Variants in MGAM observed in about 807,000 individuals in gnomAD.
MGAM encodes the protein alpha-1,4-glucosidase.
MGAM carries 253 observed loss-of-function variants against 358.8 expected under a neutral mutation model. The observed-to-expected ratio is 0.71, with a 90% confidence interval of 0.64 to 0.78. The LOEUF (loss-of-function observed/expected upper bound fraction) is 0.78, where lower values mean the gene tolerates loss of function less well. Ranked by LOEUF, MGAM falls within the 30% of genes least tolerant of loss-of-function variation. The probability of loss-of-function intolerance (pLI) is 0.00; values close to 1 mark genes in which losing one functional copy is unlikely to be tolerated. For missense variants in MGAM, 3,080 were observed against 3,432.6 expected (o/e 0.90, Z 2.57); for synonymous variants, 1,105 against 1,227.1 (o/e 0.90, Z 2.08).
intron 14 of MGAM, 54 bp downstream of exon 14, chr7:142,032,963 A>G (rs1193411784): frequency 1.6e-6 from 2 of 1,263,770 alleles, no homozygotes; most frequent in Non-Finnish European, 2.2e-6. Flanking sequence ...CATATTATAA[A>G]TTCATAAGGA....
chr7:142,084,459 T>G (rs1333960416), intron 53 of MGAM, 60 bp from the exon 54 acceptor site: 3 of 1,496,504 alleles, frequency 2.0e-6, no homozygotes, highest in Non-Finnish European at 9.2e-7. Flanking sequence ...TATTACTTGA[T>G]GTAAAACTTC....
chr7:142,055,709 C>T lies in MGAM; in HGVS notation c.3466C>T (p.Arg1156Ter), dbSNP rs779349942. The change falls in exon 28 of 71, where the codon CGA becomes TGA. Residue 1156 changes from arginine (R) to a stop codon, truncating the protein, a stop_gained. Coordinates refer to ENST00000475668, the MANE Select transcript of MGAM (RefSeq NM_001365693.1). LOFTEE classifies it high-confidence loss of function. ...LEWHTWGMFS[R>*]DQPPGYKKNS... ...GTGGCACACTTGGGGGATGTTCTCC[C>T]GAGACCAGCCCCCAGGGGTAAGGAC... 36 of 1,613,768 alleles carry T rather than the reference C, an allele frequency of 2.2e-5. No individual in the cohort carries two copies. Among genetic ancestry groups the T allele is most frequent in the African/African-American group, 1.1e-4 (8 of 74,880 alleles).
rs745786941 is a variant in MGAM, at chr7:142,095,625, A to G, written c.7519A>G (p.Thr2507Ala). ...GAATATTTCCAGAACTGTCCTGCAG[A>G]CCAGATACACCCTGTTGCCATATCT... ...FVNISRTVLQ[T>A]RYTLLPYLYT... Residue 2507 changes from threonine to alanine, a missense_variant, in exon 64 of 71, where the codon ACC becomes GCC. Physicochemically the swap from Thr to Ala is moderately conservative, Grantham distance 58. Around this residue, in one of 5 missense-constraint regions of MGAM, gnomAD observed 932 missense variants for 1,198.2 expected, o/e 0.78. Coordinates refer to ENST00000475668, the MANE Select transcript of MGAM (RefSeq NM_001365693.1). 3 of 1,613,886 alleles carry G rather than the reference A, an allele frequency of 1.9e-6. No homozygotes were observed. The highest frequency in any genetic ancestry group is 2.5e-6 in the Non-Finnish European group (3 of 1,179,806).
chr7:142,105,511 C>A (rs1035586724), intron 70 of MGAM, among the ~76,000 whole-genome samples: 1 of 152,162 alleles, frequency 6.6e-6, no homozygotes, highest in Non-Finnish European at 1.5e-5. Context: ...TGGTCTCAAA[C>A]TCCTGACCTC....
intron 57 of MGAM, among the ~76,000 whole-genome samples, chr7:142,090,185 C>T (rs1366463859): frequency 6.9e-6 from 1 of 145,822 alleles, no homozygotes; most frequent in African/African-American, 2.4e-5. Context: ...TAAGGTAGAG[C>T]CAGCACGTTG....
At chr7:142,049,995 C>T (rs553791836) in intron 22 of MGAM, among the ~76,000 whole-genome samples, 72 of 152,246 alleles carry the variant, frequency 4.7e-4, no homozygotes, top group African/African-American at 1.5e-3. Flanking sequence ...TACAGTCACT[C>T]CCACGTTCAT....
chr7:142,070,891 C>A (rs1178542065), intron 43 of MGAM, 103 bp from the exon 44 acceptor site: 2 of 1,414,566 alleles, frequency 1.4e-6, no homozygotes, highest in African/African-American at 1.4e-5. Context: ...GGGTGATGAA[C>A]AGGCATAAGT....
In MGAM at chr7:142,050,849, T is replaced by C; in HGVS notation, c.2790T>C (p.Tyr930=). The C allele has an allele frequency of 1.9e-6, 3 of 1,613,716 alleles. No individual in the cohort carries two copies. The highest frequency in any genetic ancestry group is 1.1e-5 in the South Asian group (1 of 91,074). The change falls in exon 24 of 71, where the codon TAT becomes TAC. Residue 930 remains tyrosine (Y), a synonymous_variant. Transcript: ENST00000475668. The stretch of plus-strand genomic sequence containing the variant: ...GTCAGACTTCTCCTACAGTCACTTA[T>C]GATTCTAACCTGAAGGTAAAAACCC... The part of the protein sequence containing the change: ...VPSQTSPTVT[Y]DSNLKVAIIT...
intron 21 of MGAM, among the ~76,000 whole-genome samples, chr7:142,046,854 T>C (rs557769867): frequency 6.6e-6 from 1 of 152,268 alleles, no homozygotes; most frequent in East Asian, 1.9e-4. Flanking sequence ...TTGTTCGCCT[T>C]CATTTTTTAA....
At chr7:142,006,379 C>T (rs558156357) in intron 2 of MGAM, among the ~76,000 whole-genome samples, 19 of 152,032 alleles carry the variant, frequency 1.2e-4, no homozygotes, top group African/African-American at 3.6e-4. Flanking sequence ...GAAGCTTTCC[C>T]GGGCATTTTT....
Position 142,041,956 on chromosome 7 carries a change from ATAATAT to A in MGAM, c.2498+1111_2498+1116del, listed in dbSNP as rs1298462475. ...ATATATATTATATATATACATATAT[ATAATAT>A]ATATATATTATATATATATAATATA... On this transcript the variant is annotated intron_variant, in intron 21 of 70. Coordinates refer to ENST00000475668, the MANE Select transcript of MGAM (RefSeq NM_001365693.1). Among the ~76,000 whole-genome samples the A allele has an allele frequency of 1.5e-4, 4 of 26,612 alleles. 1 individual carries two copies. The highest frequency in any genetic ancestry group is 5.2e-4 in the African/African-American group (4 of 7,674). 17.5% of individuals were successfully genotyped at this position (26,612 alleles called of 152,430 possible). A position where few individuals can be genotyped will look rare whatever the true frequency, so the allele number is the denominator to read the frequency against.
intron 51 of MGAM, 54 bp from the exon 52 acceptor site, chr7:142,082,421 T>C: frequency 7.3e-7 from 1 of 1,370,298 alleles, no homozygotes; most frequent in Non-Finnish European, 1.0e-6. Flanking sequence ...TTGAGTTTCT[T>C]TCTCAGGCAT....
In MGAM at chr7:142,094,690, G is replaced by A. The variant is rs1815727821; in HGVS notation, c.7341+36G>A. 1.9e-6 allele frequency: 3 copies of A among 1,612,652 alleles called. No homozygotes were observed. The East Asian group carries it at 6.7e-5, about 36-fold the overall frequency. ...TTGGGATCCTCCTAAGCACCAAGAAGGTGGGGACATCTTTCAGAAATCATC... is the reference window on the plus strand; with the variant it reads ...TTGGGATCCTCCTAAGCACCAAGAAAGTGGGGACATCTTTCAGAAATCATC... On this transcript the variant is annotated intron_variant, in intron 62 of 70. Transcript: ENST00000475668.
chr7:142,054,723 T>A, intron 26 of MGAM, 31 bp from the exon 27 acceptor site: 1 of 1,612,316 alleles, frequency 6.2e-7, no homozygotes, highest in South Asian at 1.1e-5. Flanking sequence ...AGAGTAGTAT[T>A]GTTGCCTAAA....
intron 52 of MGAM, 127 bp from the exon 53 acceptor site, chr7:142,083,174 A>G: frequency 4.1e-6 from 3 of 724,382 alleles, no homozygotes; most frequent in Non-Finnish European, 2.2e-6. Context: ...TGTGATTATG[A>G]TAGAAAATAC....
At chr7:142,050,939 G>T (rs915664165) in intron 24 of MGAM, 75 bp downstream of exon 24, 4 of 1,601,352 alleles carry the variant, frequency 2.5e-6, no homozygotes, top group Non-Finnish European at 2.6e-6. Context: ...TGCCAAGTTT[G>T]CATGGGTCCC....
rs1807047358 is a variant in MGAM at position 142,027,112 on chromosome 7, A to C, written c.983-3A>C. On this transcript the variant is annotated splice_polypyrimidine_tract_variant and splice_region_variant and intron_variant, in intron 8 of 70. Transcript: ENST00000475668. The stretch of plus-strand genomic sequence containing the variant: ...TTATTTTCTTCATTTTTAACCTTTC[A>C]AGAGGTTGTCCTTCAGCCTGCGCCA... 6.2e-7 allele frequency: 1 copy of C among 1,605,942 alleles called. No homozygotes were observed. The highest frequency in any genetic ancestry group is 1.3e-5 in the African/African-American group (1 of 74,728).
chr7:142,061,184 CA>C (rs1443333555), intron 34 of MGAM, among the ~76,000 whole-genome samples: 4 of 152,168 alleles, frequency 2.6e-5, no homozygotes, highest in African/African-American at 9.6e-5. Context: ...GTCATCCGAG[CA>C]GTACTTAGGG....
rs893080846 is a variant in MGAM, at chr7:142,106,027, G to GT, written c.*142dup. 5 of 718,050 alleles carry GT rather than the reference G, an allele frequency of 7.0e-6. No homozygotes were observed. The African/African-American group carries it at 7.1e-5, about 10-fold the overall frequency. The allele number at this position is 718,050 out of a possible 1,614,324, so 44.5% of individuals were successfully genotyped here. A position where few individuals can be genotyped will look rare whatever the true frequency, so the allele number is the denominator to read the frequency against. On this transcript the variant is annotated 3_prime_UTR_variant, in exon 71 of 71. Transcript: ENST00000475668. ...AATATTTCTGTTAATTTTGTTATAT[G>GT]TTTTTTGTGTGAACCCTAAAGGTTA... is the stretch of plus-strand genomic sequence containing the variant.
Sources: gnomAD v4.1 joint callset for allele counts (sites outside exome capture counted in the v4.1 genomes callset) on GRCh38, gnomAD v4.1.1 for gene constraint, gnomAD v4.1.1 regional missense constraint, MANE v1.5 for transcripts, NCBI Gene and HGNC (gene_info 2026-07-23, HGNC 2026-07-21) for gene names.